GNG4: variants seen among roughly 807,000 people sequenced by gnomAD.
GNG4 encodes the protein guanine nucleotide-binding protein G(I)/G(S)/G(O) subunit gamma-4.
Under a neutral mutation model 5.8 loss-of-function variants are expected in GNG4, and 4 were observed. The ratio of observed to expected loss-of-function variants is 0.69; its 90% CI spans 0.34 to 1.57. The LOEUF is 1.57. Ranked by LOEUF, GNG4 falls within the 40% of genes most tolerant of loss-of-function variation. GNG4 has a pLI of 0.06. For synonymous variants in GNG4, 29 were observed against 32.9 expected (o/e 0.88, Z 0.41); for missense variants, 96 against 95.1 (o/e 1.01, Z -0.04).
At chr1:235,574,719 CT>C (rs983095460) in intron 3 of GNG4, among the ~76,000 whole-genome samples, 1 of 149,932 alleles carries the variant, frequency 6.7e-6, no homozygotes, top group Non-Finnish European at 1.5e-5. Context: ...AAATTATACC[CT>C]TTTAAAAAAT....
At chr1:235,626,924 A>ACTCCAG (rs1688824013) in intron 1 of GNG4, among the ~76,000 whole-genome samples, 1 of 125,956 alleles carries the variant, frequency 7.9e-6, no homozygotes, top group Non-Finnish European at 1.6e-5. Flanking sequence ...GCATCACTGC[A>ACTCCAG]CTCCAGCCTG....
chr1:235,566,075 A>G (rs1225375314), intron 3 of GNG4: 2 of 152,290 alleles, frequency 1.3e-5, no homozygotes, highest in Non-Finnish European at 2.9e-5. Flanking sequence ...CCCAGAAACT[A>G]TAACTTGGCA....
At chr1:235,595,270 G>A (rs2774327) in intron 2 of GNG4, 130 bp downstream of exon 2, 57,737 of 152,170 alleles carry the variant, frequency 0.38, 11,761 homozygotes, top group East Asian at 0.79. Context: ...CTAGAAGAAA[G>A]TGATGCTGTG....
At chr1:235,558,992 T>C (rs1427547883) in intron 3 of GNG4, among the ~76,000 whole-genome samples, 1 of 152,208 alleles carries the variant, frequency 6.6e-6, no homozygotes, top group Non-Finnish European at 1.5e-5. Context: ...GCTTCAATGA[T>C]GGGAGAAAAT....
intron 1 of GNG4, among the ~76,000 whole-genome samples, chr1:235,624,883 G>A (rs904029726): frequency 4.6e-5 from 7 of 152,206 alleles, no homozygotes; most frequent in Non-Finnish European, 1.0e-4. Context: ...GGAGAAGATG[G>A]TTGCTGGTAA....
At position 235,648,584 on chromosome 1, in the gene GNG4, T is replaced by C. The variant is rs1657572743; in HGVS notation, c.-123+1078A>G. On this transcript the variant is annotated intron_variant, in intron 1 of 3. Transcript: ENST00000391854. This position sits in a 1 kb window ranked among gnomAD's most constrained non-coding sequence, Gnocchi z 5.0. ...CCGGCCGCAGAGCCCAGGTCCCCCA[T>C]GGCTACTGTGAGGCATTCGCCGCTG... 6.6e-6 allele frequency among the ~76,000 whole-genome samples: 1 copy of C among 152,354 alleles called. No homozygotes were observed. Among genetic ancestry groups the C allele is most frequent in the Non-Finnish European group, 1.5e-5 (1 of 68,036 alleles).
chr1:235,563,403 CAAAAAAAAAAAAA>C lies in GNG4; in HGVS notation c.100-11179_100-11167del, dbSNP rs57471662. On this transcript the variant is annotated intron_variant, in intron 3 of 3. Transcript: ENST00000391854. ...CCTGGACAACAGAGTGAAACTGTCT[CAAAAAAAAAAAAA>C]AAAAAAAAAAAAAAAAGCGTTTTAT... Among the ~76,000 whole-genome samples the C allele has an allele frequency of 2.5e-3, 133 of 52,418 alleles. 2 individuals carry two copies. Among genetic ancestry groups the C allele is most frequent in the East Asian group, 9.8e-3 (12 of 1,226 alleles). 34.4% of individuals were successfully genotyped at this position (52,418 alleles called of 152,430 possible). A position where few individuals can be genotyped will look rare whatever the true frequency, so the allele number is the denominator to read the frequency against.
At chr1:235,649,975 C>A (rs1327828249), upstream of GNG4, 1 of 150,548 alleles carries the variant, frequency 6.6e-6, no homozygotes, top group Non-Finnish European at 1.5e-5. The surrounding 1 kb of genome is among the most constrained non-coding windows in gnomAD (Gnocchi z 5.7). Context: ...GAGCCGGCGA[C>A]TCTGCGACCC....
At chr1:235,616,750 G>C (rs1194230175) in intron 1 of GNG4, among the ~76,000 whole-genome samples, 2 of 151,802 alleles carry the variant, frequency 1.3e-5, no homozygotes, top group Non-Finnish European at 2.9e-5. Flanking sequence ...GTGTGCGCGC[G>C]TGTTTTGAGA....
chr1:235,618,363 A>G (rs915802657), intron 1 of GNG4, among the ~76,000 whole-genome samples: 1 of 152,214 alleles, frequency 6.6e-6, no homozygotes, highest in Non-Finnish European at 1.5e-5. Context: ...TGCCCAGAAA[A>G]TGGACGGATA....
intron 3 of GNG4, among the ~76,000 whole-genome samples, chr1:235,567,363 G>C (rs1239004109): frequency 6.6e-6 from 1 of 152,064 alleles, no homozygotes; most frequent in East Asian, 1.9e-4. Context: ...TAAGTATATA[G>C]TTCAGTAGTA....
intron 2 of GNG4, among the ~76,000 whole-genome samples, chr1:235,592,817 G>A (rs1688006868): frequency 6.6e-6 from 1 of 152,144 alleles, no homozygotes; most frequent in Non-Finnish European, 1.5e-5. Flanking sequence ...CAGGATTTGA[G>A]CATGAGCCGC....
At chr1:235,579,872 G>C (rs1387207352) in intron 3 of GNG4, among the ~76,000 whole-genome samples, 1 of 57,056 alleles carries the variant, frequency 1.8e-5, no homozygotes, top group East Asian at 8.3e-4. Context: ...AAGGTAAAAA[G>C]GTTGAACATA....
At chr1:235,570,177 AG>A (rs1258530452) in intron 3 of GNG4, among the ~76,000 whole-genome samples, 1 of 152,088 alleles carries the variant, frequency 6.6e-6, no homozygotes, top group Non-Finnish European at 1.5e-5. Context: ...TGCTCTTGTC[AG>A]TCTGGATTTC....
At chr1:235,596,907 T>C (rs556426390) in intron 1 of GNG4, among the ~76,000 whole-genome samples, 34 of 152,082 alleles carry the variant, frequency 2.2e-4, no homozygotes, top group African/African-American at 7.2e-4. Flanking sequence ...TTTTTTTTTT[T>C]TTATTTTGTA....
intron 1 of GNG4, among the ~76,000 whole-genome samples, chr1:235,641,748 A>G (rs140513680): frequency 1.7e-3 from 255 of 152,262 alleles, no homozygotes; most frequent in Non-Finnish European, 2.4e-3. Context: ...TGTTGGCTCC[A>G]CGTGCATCAG....
At chr1:235,608,680 A>ATT (rs1297806370) in intron 1 of GNG4, among the ~76,000 whole-genome samples, 1 of 130,430 alleles carries the variant, frequency 7.7e-6, no homozygotes, top group African/African-American at 3.6e-5. Flanking sequence ...TTAGTTTTTT[A>ATT]TTTTTTATTT....
intron 1 of GNG4, among the ~76,000 whole-genome samples, chr1:235,635,499 C>G (rs904038624): frequency 1.1e-5 from 1 of 88,572 alleles, no homozygotes; most frequent in African/African-American, 4.8e-5. Flanking sequence ...TCCATCTCGG[C>G]GGGGAAAAAT....
intron 3 of GNG4, among the ~76,000 whole-genome samples, chr1:235,559,736 C>T (rs1687011316): frequency 6.6e-6 from 1 of 152,178 alleles, no homozygotes; most frequent in Non-Finnish European, 1.5e-5. Context: ...CAACAGAGTC[C>T]GTCTCTGAAC....
Sources: gnomAD v4.1 joint callset for allele counts (sites outside exome capture counted in the v4.1 genomes callset) on GRCh38, gnomAD v4.1.1 for gene constraint, Gnocchi (gnomAD v3.1) non-coding constraint, MANE v1.5 for transcripts, NCBI Gene and HGNC (gene_info 2026-07-23, HGNC 2026-07-21) for gene names.